The following ACTR3C variants were observed in gnomAD, a reference collection of about 807,000 sequenced individuals.
The protein encoded by ACTR3C is actin related protein 3C, also known as actin-related protein 3C.
Under a neutral mutation model 26.3 loss-of-function variants are expected in ACTR3C, and 18 were observed. The observed-to-expected ratio is 0.68, with a 90% CI of 0.47 to 1.01. The LOEUF is 1.01. ACTR3C is among the 50% of genes least tolerant of loss of function. ACTR3C has a pLI of 0.00. For missense variants in ACTR3C, 184 were observed against 250.7 expected (o/e 0.73, Z 1.80); for synonymous variants, 55 against 94.5 (o/e 0.58, Z 2.42).
the ACTR3C span, among the ~76,000 whole-genome samples, chr7:150,181,192 C>A: frequency 6.6e-6 from 1 of 150,728 alleles, no homozygotes; most frequent in Non-Finnish European, 1.5e-5. Context: ...GCTGTCCTAG[C>A]AAATATATCC....
chr7:149,950,415 A>G, the ACTR3C span, among the ~76,000 whole-genome samples: 1 of 148,792 alleles, frequency 6.7e-6, no homozygotes, highest in Non-Finnish European at 1.5e-5. Context: ...GAGGACACAC[A>G]TATGTAAGAA....
chr7:149,884,035 T>G, the ACTR3C span, among the ~76,000 whole-genome samples: 5 of 152,074 alleles, frequency 3.3e-5, no homozygotes, highest in Non-Finnish European at 4.4e-5. Context: ...GGCCATAGGG[T>G]CCACGCTCCC....
At chr7:150,309,553 A>G (rs1796111889) in intron 1 of ACTR3C, among the ~76,000 whole-genome samples, 2 of 152,200 alleles carry the variant, frequency 1.3e-5, no homozygotes, top group Admixed American at 1.3e-4. Context: ...TGCCTTCAGC[A>G]CACAAAAACT....
the ACTR3C span, among the ~76,000 whole-genome samples, chr7:149,956,782 C>T: frequency 0.45 from 68,290 of 151,608 alleles, 17,250 homozygotes; most frequent in South Asian, 0.56. Context: ...GATGTAGGGG[C>T]TGGATAGAAG....
At chr7:150,211,629 A>G in the ACTR3C span, among the ~76,000 whole-genome samples, 2 of 149,576 alleles carry the variant, frequency 1.3e-5, no homozygotes, top group African/African-American at 5.1e-5. Context: ...GCTTGACGTG[A>G]CCCTGAAGGC....
chr7:150,093,406 C>T, the ACTR3C span, among the ~76,000 whole-genome samples: 3 of 151,168 alleles, frequency 2.0e-5, no homozygotes, highest in African/African-American at 4.9e-5. Flanking sequence ...TACTCACAGA[C>T]GTTGAGTGAA....
chr7:150,227,701 G>GTTTTTTTTTTTTTTTTTTT, the ACTR3C span, among the ~76,000 whole-genome samples: 1 of 94,244 alleles, frequency 1.1e-5, no homozygotes, highest in African/African-American at 4.0e-5. Flanking sequence ...TTTTTTTTTT[G>GTTTTTTTTTTTTTTTTTTT]TTTTTTTTTT....
At chr7:150,281,261 A>G (rs1256515260) in intron 6 of ACTR3C, among the ~76,000 whole-genome samples, 1 of 151,890 alleles carries the variant, frequency 6.6e-6, no homozygotes, top group Admixed American at 6.5e-5. Flanking sequence ...CGTGCTCTGC[A>G]GAAGTATTTG....
At chr7:150,116,038 A>G in the ACTR3C span, among the ~76,000 whole-genome samples, 4 of 152,178 alleles carry the variant, frequency 2.6e-5, no homozygotes, top group Non-Finnish European at 5.9e-5. Context: ...AGATCAGAGC[A>G]CTCCACATAT....
chr7:150,095,660 T>G, the ACTR3C span, among the ~76,000 whole-genome samples: 5 of 150,058 alleles, frequency 3.3e-5, no homozygotes, highest in African/African-American at 1.3e-4. Flanking sequence ...TACCCTCATT[T>G]TCAAAACCAG....
chr7:150,140,299 A>G, the ACTR3C span, among the ~76,000 whole-genome samples: 3 of 152,298 alleles, frequency 2.0e-5, no homozygotes, highest in Admixed American at 2.0e-4. Context: ...CACTTGGGGT[A>G]TGGCTATTAA....
At chr7:150,322,377 AG>A (rs1797616920) in intron 1 of ACTR3C, among the ~76,000 whole-genome samples, 1 of 152,286 alleles carries the variant, frequency 6.6e-6, no homozygotes, top group South Asian at 2.1e-4. Context: ...GCAGTAAAGA[AG>A]CTGGCTAAAC....
the ACTR3C span, among the ~76,000 whole-genome samples, chr7:150,125,844 G>A: frequency 6.6e-6 from 1 of 152,166 alleles, no homozygotes; most frequent in African/African-American, 2.4e-5. Flanking sequence ...GCCCTTGCTT[G>A]GACATGGTCG....
At chr7:149,973,212 G>A in the ACTR3C span, among the ~76,000 whole-genome samples, 2 of 152,190 alleles carry the variant, frequency 1.3e-5, no homozygotes, top group Non-Finnish European at 2.9e-5. Context: ...TAAGCACAGA[G>A]GCCCCACCCG....
chr7:149,902,750 G>A, the ACTR3C span, among the ~76,000 whole-genome samples: 2 of 79,330 alleles, frequency 2.5e-5, 1 homozygote, highest in Non-Finnish European at 6.3e-5. Context: ...TTCGAGACCA[G>A]GACAGGCAAT....
chr7:150,100,668 T>C, the ACTR3C span, among the ~76,000 whole-genome samples: 6 of 151,054 alleles, frequency 4.0e-5, 1 homozygote, highest in Non-Finnish European at 7.4e-5. Context: ...ATCTTATATA[T>C]ATATTTTCCA....
At chr7:150,244,422 T>G (rs1430515567), downstream of ACTR3C, 1 of 151,696 alleles carries the variant, frequency 6.6e-6, no homozygotes, top group Admixed American at 6.6e-5. Flanking sequence ...GTAAAATAAC[T>G]TAGTTGTCAT....
chr7:150,241,269 T>C (rs1832160504), downstream of ACTR3C, among the ~76,000 whole-genome samples: 1 of 152,086 alleles, frequency 6.6e-6, no homozygotes, highest in Non-Finnish European at 1.5e-5. Flanking sequence ...GCCATAGGAA[T>C]AAAGGCCCTG....
the ACTR3C span, among the ~76,000 whole-genome samples, chr7:150,082,937 T>TTC: frequency 8.0e-6 from 1 of 124,994 alleles, no homozygotes; most frequent in Admixed American, 8.1e-5. Context: ...TTTTTTTCTT[T>TTC]TTTTTTTTTC....
Sources: allele counts gnomAD v4.1 joint callset (sites outside exome capture counted in the v4.1 genomes callset), GRCh38; gene constraint gnomAD v4.1.1; transcripts MANE v1.5; gene names NCBI Gene and HGNC (gene_info 2026-07-23, HGNC 2026-07-21).